AMHR2: variants seen among roughly 807,000 people sequenced by gnomAD.
AMHR2 encodes the protein anti-Mullerian hormone receptor type 2, also known as anti-Muellerian hormone type-2 receptor.
A neutral mutation model predicts 61.4 loss-of-function variants in AMHR2; 36 were observed. The ratio of observed to expected loss-of-function variants is 0.59; its 90% CI spans 0.45 to 0.77. AMHR2 has a LOEUF of 0.77. Among genes scored for constraint, AMHR2 ranks in the 30% least tolerant of loss-of-function variants. The pLI, the probability that AMHR2 is intolerant of heterozygous loss-of-function variation, is 0.00. For missense variants in AMHR2, 638 were observed against 714.6 expected (o/e 0.89, Z 1.22); for synonymous variants, 258 against 279.4 (o/e 0.92, Z 0.76).
Position 53,424,284 on chromosome 12 carries a change from T to A in AMHR2, c.50-4T>A. 1 of 1,612,378 alleles carries A rather than the reference T, an allele frequency of 6.2e-7. No homozygotes were observed. The highest frequency in any genetic ancestry group is 8.5e-7 in the Non-Finnish European group (1 of 1,179,992). ...TCTTTTCCTTTCCCCACCCTGGGCC[T>A]CAGCACCCCCAAACAGGCGAACCTG... On this transcript the variant is annotated splice_polypyrimidine_tract_variant and splice_region_variant and intron_variant, in intron 1 of 10. Transcript: ENST00000257863.
At position 53,429,891 on chromosome 12, in the gene AMHR2, T is replaced by A. The variant is rs1939961667; in HGVS notation, c.1201T>A (p.Trp401Arg). ...GGACAAGACTCTGGACCTACAGGAT[T>A]GGGGCATGGCCCTCCGACGAGCTGA... ...LLDKTLDLQD[W>R]GMALRRADIY... The change falls in exon 9 of 11, where the codon TGG becomes AGG. Residue 401 changes from tryptophan (W) to arginine (R), a missense_variant. Trp to Arg is a moderately radical substitution (Grantham distance 101, BLOSUM62 -3). Coordinates refer to ENST00000257863, the MANE Select transcript of AMHR2 (RefSeq NM_020547.3). 1 of 1,614,222 alleles carries A rather than the reference T, an allele frequency of 6.2e-7. No individual in the cohort carries two copies. Among genetic ancestry groups the A allele is most frequent in the African/African-American group, 1.3e-5 (1 of 75,054 alleles).
In AMHR2 at chr12:53,424,739, A is replaced by G. The variant is rs369659478; in HGVS notation, c.263A>G (p.Glu88Gly). The change falls in exon 3 of 11, where the codon GAG becomes GGG. Residue 88 changes from glutamate to glycine, a missense_variant. Transcript: ENST00000257863. ...GCRDSDEPGCESLHCDPSPRA... is the reference protein window; with the variant it reads ...GCRDSDEPGCGSLHCDPSPRA... ...CGAGACAGTGATGAGCCAGGCTGTG[A>G]GTCCCTCCACTGTGACCCAAGTCCC... The G allele has an allele frequency of 3.7e-6, 6 of 1,613,414 alleles. No individual in the cohort carries two copies. Among genetic ancestry groups the G allele is most frequent in the Non-Finnish European group, 5.1e-6 (6 of 1,179,788 alleles).
At chr12:53,429,189 G>A (rs374568843) in intron 7 of AMHR2, among the ~76,000 whole-genome samples, 179 bp downstream of exon 7, 1 of 152,074 alleles carries the variant, frequency 6.6e-6, no homozygotes, top group Non-Finnish European at 1.5e-5. Flanking sequence ...TCAGGAGATC[G>A]AGGCCATCCT....
At chr12:53,426,168 A>G (rs1298840377) in intron 6 of AMHR2, among the ~76,000 whole-genome samples, 1 of 152,108 alleles carries the variant, frequency 6.6e-6, no homozygotes, top group East Asian at 1.9e-4. Flanking sequence ...CCATCACTGC[A>G]AAATTACAAA....
intron 9 of AMHR2, 70 bp downstream of exon 9, chr12:53,430,048 C>A (rs1489127234): frequency 3.8e-5 from 62 of 1,613,988 alleles, no homozygotes; most frequent in Non-Finnish European, 1.2e-5. Flanking sequence ...CCCAACCTGA[C>A]CTGGCCTGAG....
chr12:53,431,365 C>T lies in AMHR2; in HGVS notation c.1614C>T (p.Ala538=). The part of the protein sequence containing the change: ...LCPEDCTSIP[A]PTILPCRPQR... ...CAGAAGACTGTACTTCAATTCCTGC[C>T]CCTACCATCCTCCCCTGTAGGCCTC... Residue 538 remains alanine (A), a synonymous_variant, in exon 11 of 11, where the codon GCC becomes GCT. Coordinates refer to ENST00000257863, the MANE Select transcript of AMHR2 (RefSeq NM_020547.3). 1 of 1,614,262 alleles carries T rather than the reference C, an allele frequency of 6.2e-7. No homozygotes were observed. Among genetic ancestry groups the T allele is most frequent in the Non-Finnish European group, 8.5e-7 (1 of 1,180,056 alleles).
Position 53,425,866 on chromosome 12 carries a change from G to T in AMHR2, c.799G>T (p.Gly267Cys). The T allele has an allele frequency of 3.1e-6, 5 of 1,614,078 alleles. No individual in the cohort carries two copies. The highest frequency in any genetic ancestry group is 4.2e-6 in the Non-Finnish European group (5 of 1,180,010). The change falls in exon 6 of 11, where the codon GGT (glycine) becomes TGT (cysteine). Residue 267 changes from glycine (G) to cysteine (C), a missense_variant. Gly to Cys is a radical substitution (Grantham distance 159). Transcript: ENST00000257863. ...CCGATTTATCACTGCCAGCCGGGGG[G>T]GTCCTGGCCGCCTGCTCTCTGGGCC... ...IVRFITASRGGPGRLLSGPLL... is the reference protein window; with the variant it reads ...IVRFITASRGCPGRLLSGPLL...
In AMHR2 at chr12:53,431,377, C is replaced by T. The variant is rs115409230; in HGVS notation, c.1626C>T (p.Leu542=). ...CTTCAATTCCTGCCCCTACCATCCT[C>T]CCCTGTAGGCCTCAGCGGAGTGCCT... ...DCTSIPAPTI[L]PCRPQRSACH... is the part of the protein sequence containing the mutation. Residue 542 remains leucine, a synonymous_variant, in exon 11 of 11, where the codon CTC becomes CTT. Coordinates refer to ENST00000257863, the MANE Select transcript of AMHR2 (RefSeq NM_020547.3). The T allele has an allele frequency of 1.2e-6, 2 of 1,614,242 alleles. No individual in the cohort carries two copies. Among genetic ancestry groups the T allele is most frequent in the Non-Finnish European group, 1.7e-6 (2 of 1,180,046 alleles).
At chr12:53,425,279 G>C in intron 4 of AMHR2, 37 bp downstream of exon 4, 1 of 1,611,402 alleles carries the variant, frequency 6.2e-7, no homozygotes, top group Non-Finnish European at 8.5e-7. Context: ...GTGACCCCAA[G>C]ACATTGCCCC....
At chr12:53,430,070 C>A in intron 9 of AMHR2, 76 bp from the exon 10 acceptor site, 2 of 1,614,116 alleles carry the variant, frequency 1.2e-6, no homozygotes, top group Non-Finnish European at 1.7e-6. Flanking sequence ...AAGCTCTGCT[C>A]TTCCCTGTCT....
In AMHR2 at chr12:53,425,926, A is replaced by G; in HGVS notation, c.852+7A>G. ...ACTGGAACTGCATCCCAAGGTGAGC[A>G]CCAAGGAGTGTATATGTGTGTGTGT... On this transcript the variant is annotated splice_region_variant and intron_variant, in intron 6 of 10. Transcript: ENST00000257863. 1 of 1,612,848 alleles carries G rather than the reference A, an allele frequency of 6.2e-7. No individual in the cohort carries two copies. Among genetic ancestry groups the G allele is most frequent in the South Asian group, 1.1e-5 (1 of 91,022 alleles).
At position 53,423,999 on chromosome 12, in the gene AMHR2, G is replaced by A. The variant is rs1464032656; in HGVS notation, c.49+16G>A. ...GCTGTGGAAGGTAAGTGTCTACAGG[G>A]AGGGGAAGGGTCTCTCCATCCATCC... On this transcript the variant is annotated intron_variant, in intron 1 of 10. Transcript: ENST00000257863. 5 of 1,613,852 alleles carry A rather than the reference G, an allele frequency of 3.1e-6. No individual in the cohort carries two copies. The highest frequency in any genetic ancestry group is 4.2e-6 in the Non-Finnish European group (5 of 1,179,908).
chr12:53,431,582 C>A lies in AMHR2; in HGVS notation c.*109C>A. 1 of 1,396,068 alleles carries A rather than the reference C, an allele frequency of 7.2e-7. No homozygotes were observed. Among genetic ancestry groups the A allele is most frequent in the Non-Finnish European group, 1.0e-6 (1 of 998,334 alleles). The allele number at this position is 1,396,068 out of a possible 1,614,324, so 86.5% of individuals were successfully genotyped here. A position where few individuals can be genotyped will look rare whatever the true frequency, so the allele number is the denominator to read the frequency against. ...TTCCCACCTGCCGAATCCTTGGATT[C>A]TTCTGCGGGCATCCAGTCCACATCA... On this transcript the variant is annotated 3_prime_UTR_variant, in exon 11 of 11. Transcript: ENST00000257863.
At chr12:53,425,645 T>C in intron 5 of AMHR2, 44 bp from the exon 6 acceptor site, 1 of 1,612,768 alleles carries the variant, frequency 6.2e-7, no homozygotes, top group South Asian at 1.1e-5. Flanking sequence ...ATCCTGGCCC[T>C]GTTATAGCTC....
chr12:53,428,990 A>G lies in AMHR2; in HGVS notation c.947A>G (p.His316Arg). 1.3e-6 allele frequency: 2 copies of G among 1,551,174 alleles called. No homozygotes were observed. Among genetic ancestry groups the G allele is most frequent in the Non-Finnish European group, 8.7e-7 (1 of 1,146,890 alleles). The change falls in exon 7 of 11, where the codon CAT becomes CGT. Residue 316 changes from histidine (H) to arginine (R), a missense_variant. His to Arg is a conservative substitution (Grantham distance 29). Coordinates refer to ENST00000257863, the MANE Select transcript of AMHR2 (RefSeq NM_020547.3). ...LSLAQGLAFL[H>R]EERWQNGQYK... ...CTGGCCCAGGGCCTGGCATTTCTCC[A>G]TGAGGAGCGCTGGCAGAATGGTGGG...
intron 4 of AMHR2, 71 bp downstream of exon 4, chr12:53,425,313 C>T (rs1939462110): frequency 6.2e-7 from 1 of 1,608,356 alleles, no homozygotes. Context: ...CCTCTCCAGG[C>T]ACCCCTGACC....
intron 6 of AMHR2, among the ~76,000 whole-genome samples, chr12:53,428,395 G>T (rs1939801938): frequency 6.6e-6 from 1 of 152,230 alleles, no homozygotes; most frequent in South Asian, 2.1e-4. Flanking sequence ...CTCAGACAAG[G>T]TGACTCATGA....
chr12:53,429,079 A>AG, intron 7 of AMHR2, 69 bp downstream of exon 7: 2 of 1,386,848 alleles, frequency 1.4e-6, no homozygotes, highest in South Asian at 2.5e-5. Flanking sequence ...CTTAGTTTGG[A>AG]GGGGAAAGAT....
intron 2 of AMHR2, 65 bp from the exon 3 acceptor site, chr12:53,424,644 C>A: frequency 1.3e-6 from 2 of 1,555,188 alleles, no homozygotes; most frequent in Non-Finnish European, 8.8e-7. Flanking sequence ...TCTGTTTCCA[C>A]ACCCCATTGT....
Sources: gnomAD v4.1 joint callset for allele counts (sites outside exome capture counted in the v4.1 genomes callset) on GRCh38, gnomAD v4.1.1 for gene constraint, MANE v1.5 for transcripts, NCBI Gene and HGNC (gene_info 2026-07-23, HGNC 2026-07-21) for gene names.